The following IQGAP3 variants were observed in gnomAD, a reference collection of about 807,000 sequenced individuals.
The protein encoded by IQGAP3 is IQ motif containing GTPase activating protein 3.
A neutral mutation model predicts 208.2 loss-of-function variants in IQGAP3; 165 were observed. The ratio of observed to expected loss-of-function variants is 0.79; its 90% CI spans 0.70 to 0.90. The LOEUF (loss-of-function observed/expected upper bound fraction) is 0.90, where lower values mean the gene tolerates loss of function less well. Ranked by LOEUF, IQGAP3 falls within the 40% of genes least tolerant of loss-of-function variation. The pLI is 0.00. For missense variants in IQGAP3, 1,811 were observed against 2,043.1 expected, an observed-to-expected ratio of 0.89 and a Z score of 2.19; for synonymous variants, 703 against 803.6, an observed-to-expected ratio of 0.87 and a Z score of 2.12.
At chr1:156,538,124 G>A (rs1369254599) in intron 26 of IQGAP3, among the ~76,000 whole-genome samples, 1 of 151,892 alleles carries the variant, frequency 6.6e-6, no homozygotes, top group Non-Finnish European at 1.5e-5. Flanking sequence ...GCAGTGGCAC[G>A]ATCTCGGCTC....
rs59795216 is a variant in IQGAP3 at position 156,535,687 on chromosome 1, G to A, written c.3423-440C>T. ...AGGTGGCTCCGAGGTAGTCAACCTTGTCAGCTGTCACAGAGCATCTGTGAG... is the reference window on the plus strand; with the variant it reads ...AGGTGGCTCCGAGGTAGTCAACCTTATCAGCTGTCACAGAGCATCTGTGAG... On this transcript the variant is annotated intron_variant, in intron 27 of 37. Transcript: ENST00000361170. Among the ~76,000 whole-genome samples, 969 of 152,310 alleles carry A rather than the reference G, an allele frequency of 6.4e-3. 9 individuals are homozygous for A. Among genetic ancestry groups the A allele is most frequent in the African/African-American group, 0.022 (919 of 41,568 alleles).
At chr1:156,559,215 C>T (rs1676038351) in intron 11 of IQGAP3, among the ~76,000 whole-genome samples, 2 of 152,132 alleles carry the variant, frequency 1.3e-5, no homozygotes, top group Non-Finnish European at 1.5e-5. Context: ...AGGTGGTGAG[C>T]ACAAGATTGA....
chr1:156,534,807 G>C (rs1674614464), intron 28 of IQGAP3, 74 bp from the exon 29 acceptor site: 2 of 1,192,350 alleles, frequency 1.7e-6, no homozygotes, highest in African/African-American at 3.1e-5. Context: ...TTCTCAGCTT[G>C]CTTGGCTGGA....
intron 25 of IQGAP3, 156 bp from the exon 26 acceptor site, chr1:156,539,189 C>A (rs564440465): frequency 1.2e-6 from 1 of 820,200 alleles, no homozygotes; most frequent in East Asian, 2.7e-5. Flanking sequence ...GTTAGCATGT[C>A]AGCCCATATC....
chr1:156,562,575 G>A lies in IQGAP3; in HGVS notation c.877+12C>T, dbSNP rs374846840. 1.9e-5 allele frequency: 31 copies of A among 1,611,380 alleles called. No individual in the cohort carries two copies. Among genetic ancestry groups the A allele is most frequent in the African/African-American group, 6.7e-5 (5 of 74,832 alleles). On this transcript the variant is annotated intron_variant, in intron 9 of 37. Transcript: ENST00000361170. ...GGTCACCCCCAAACCACTCCTGCTC[G>A]AGGTCTCTTACCGTTGACATGGTTG...
rs372347970 is a variant in IQGAP3, at chr1:156,564,675, G to A, written c.377C>T (p.Thr126Ile). The change falls in exon 5 of 38, where the codon ACC (threonine) becomes ATC (isoleucine). Residue 126 changes from threonine to isoleucine, a missense_variant. Physicochemically the swap from Thr to Ile is moderately conservative, Grantham distance 89. Transcript: ENST00000361170. The part of the protein sequence containing the change: ...IGLPSTFFPE[T>I]TDIYDKKNMP... ...GTTCTTTTTGTCATAGATGTCCGTG[G>A]TCTCTGGGAAGAAGGTCTAGAGGAG... 1.2e-6 allele frequency: 2 copies of A among 1,613,698 alleles called. No individual in the cohort carries two copies. The highest frequency in any genetic ancestry group is 1.3e-5 in the African/African-American group (1 of 75,010).
At chr1:156,555,755 T>C (rs544614626) in intron 12 of IQGAP3, among the ~76,000 whole-genome samples, 1 of 152,354 alleles carries the variant, frequency 6.6e-6, no homozygotes, top group African/African-American at 2.4e-5. Context: ...CAATGTCACA[T>C]AGCTAAGAAG....
At position 156,554,279 on chromosome 1, in the gene IQGAP3, G is replaced by A. The variant is rs375648911; in HGVS notation, c.1404C>T (p.Asn468=). The change falls in exon 13 of 38, where the codon AAC becomes AAT. Residue 468 remains asparagine, a synonymous_variant. Transcript: ENST00000361170. ...CCACCTCAGCCAGGCCTGTGGCAGGGTTCACCAGGCTGCTCCAGAAGCCAC... is the reference window on the plus strand; with the variant it reads ...CCACCTCAGCCAGGCCTGTGGCAGGATTCACCAGGCTGCTCCAGAAGCCAC... ...DASGFWSSLV[N]PATGLAEVEG... 31 of 1,613,782 alleles carry A rather than the reference G, an allele frequency of 1.9e-5. No individual in the cohort carries two copies. The highest frequency in any genetic ancestry group is 2.5e-5 in the Non-Finnish European group (30 of 1,179,946).
intron 26 of IQGAP3, among the ~76,000 whole-genome samples, chr1:156,538,295 C>T (rs1446841424): frequency 2.0e-5 from 3 of 152,132 alleles, no homozygotes; most frequent in Non-Finnish European, 4.4e-5. Context: ...CTCCTGACCT[C>T]GTGATCCGCC....
At chr1:156,552,263 T>C (rs1279595332) in intron 13 of IQGAP3, among the ~76,000 whole-genome samples, 168 bp from the exon 14 acceptor site, 1 of 152,218 alleles carries the variant, frequency 6.6e-6, no homozygotes, top group Non-Finnish European at 1.5e-5. Flanking sequence ...TGCTGGTTCC[T>C]CCCTGACATC....
chr1:156,550,385 C>G (rs758856537), intron 15 of IQGAP3, 34 bp from the exon 16 acceptor site: 1 of 1,519,946 alleles, frequency 6.6e-7, no homozygotes, highest in South Asian at 1.1e-5. Context: ...AAGATGTGAC[C>G]CCAAGCTAGT....
chr1:156,562,701 C>G (rs751484137), intron 8 of IQGAP3, 36 bp from the exon 9 acceptor site: 2 of 1,523,490 alleles, frequency 1.3e-6, no homozygotes, highest in Non-Finnish European at 1.8e-6. Context: ...CCTGGGAAAC[C>G]CAATTTAATC....
At chr1:156,526,666 A>G in intron 37 of IQGAP3, 67 bp from the exon 38 acceptor site, 1 of 1,087,304 alleles carries the variant, frequency 9.2e-7, no homozygotes, top group Non-Finnish European at 1.4e-6. Flanking sequence ...GATGGTGTAC[A>G]AAACACTCAC....
intron 27 of IQGAP3, among the ~76,000 whole-genome samples, chr1:156,535,735 A>G (rs1674657376): frequency 2.6e-5 from 4 of 152,110 alleles, no homozygotes; most frequent in Admixed American, 2.6e-4. Flanking sequence ...GGCTAGAGGT[A>G]GGGCCCCAAG....
At chr1:156,553,767 G>A (rs1675681489) in intron 13 of IQGAP3, among the ~76,000 whole-genome samples, 1 of 152,042 alleles carries the variant, frequency 6.6e-6, no homozygotes, top group Admixed American at 6.5e-5. Context: ...TTTTAGTAGA[G>A]ATGGGGTTTC....
At chr1:156,540,067 G>A in intron 23 of IQGAP3, 77 bp from the exon 24 acceptor site, 2 of 1,516,780 alleles carry the variant, frequency 1.3e-6, no homozygotes, top group South Asian at 1.1e-5. Flanking sequence ...TAGAATCAGT[G>A]CCTTGAAGAG....
At position 156,535,235 on chromosome 1, in the gene IQGAP3, T is replaced by A; in HGVS notation, c.3435A>T (p.Arg1145=). 6.2e-7 allele frequency: 1 copy of A among 1,612,292 alleles called. No individual in the cohort carries two copies. The highest frequency in any genetic ancestry group is 1.1e-5 in the South Asian group (1 of 90,946). ...SSVDQIPYGM[R]YVAKVLKATL... ...TTGCCTTCAGGACTTTGGCCACATA[T>A]CGCATCCCATACCTGGGGACAAAGA... Residue 1145 remains arginine, a synonymous_variant, in exon 28 of 38, where the codon CGA becomes CGT. Transcript: ENST00000361170.
At chr1:156,566,804 G>C (rs112618267) in intron 2 of IQGAP3, among the ~76,000 whole-genome samples, 1 of 150,292 alleles carries the variant, frequency 6.7e-6, no homozygotes, top group South Asian at 2.1e-4. Context: ...TCCTGAACCT[G>C]CCCATCTTCA....
chr1:156,554,193 C>T (rs764322812), intron 13 of IQGAP3, 42 bp downstream of exon 13: 1 of 1,556,910 alleles, frequency 6.4e-7, no homozygotes, highest in Non-Finnish European at 8.7e-7. Flanking sequence ...TGGCTGCATT[C>T]CCCCATCCCT....
Sources: gnomAD v4.1 joint callset for allele counts (sites outside exome capture counted in the v4.1 genomes callset) on GRCh38, gnomAD v4.1.1 for gene constraint, MANE v1.5 for transcripts, NCBI Gene and HGNC (gene_info 2026-07-23, HGNC 2026-07-21) for gene names.